The following FNIP2 variants were observed in gnomAD, a reference collection of about 807,000 sequenced individuals.
FNIP2 encodes folliculin interacting protein 2.
Under a neutral mutation model 108.7 loss-of-function variants are expected in FNIP2, and 32 were observed. That is an observed-to-expected ratio of 0.29 (90% CI 0.22 to 0.40). FNIP2 has a LOEUF of 0.40. FNIP2 is among the 10% of genes least tolerant of loss of function. The pLI, the probability that FNIP2 is intolerant of heterozygous loss-of-function variation, is 1.00. For missense variants in FNIP2, 1,202 were observed against 1,381.6 expected (o/e 0.87, Z 2.06); for synonymous variants, 480 against 496.7 (o/e 0.97, Z 0.45).
chr4:158,777,233 A>G (rs1333067165), intron 1 of FNIP2, among the ~76,000 whole-genome samples: 63 of 152,364 alleles, frequency 4.1e-4, no homozygotes, highest in Non-Finnish European at 5.9e-5. Flanking sequence ...GAATTCTTGT[A>G]TGGCTTGGTA....
chr4:158,872,773 C>CTAA (rs1204166744), intron 14 of FNIP2: 2 of 950,142 alleles, frequency 2.1e-6, no homozygotes, highest in Non-Finnish European at 2.5e-6. Flanking sequence ...TTACTTTCAA[C>CTAA]ATCCATTTAC....
chr4:158,845,801 A>G lies in FNIP2; in HGVS notation c.728-5520A>G, dbSNP rs570752590. Among the ~76,000 whole-genome samples, 7 of 152,366 alleles carry G rather than the reference A, an allele frequency of 4.6e-5. No individual in the cohort carries two copies. In the South Asian group the frequency reaches 8.3e-4, roughly 18 times the overall value. On this transcript the variant is annotated intron_variant, in intron 7 of 16. Coordinates refer to ENST00000264433, the MANE Select transcript of FNIP2 (RefSeq NM_020840.3). ...TGTTATCTAGAGTATATGATTAACA[A>G]TGATGTGCCACAGCACTTTTACATA...
In FNIP2 at chr4:158,769,246, A is replaced by C; in HGVS notation, c.34A>C (p.Lys12Gln). 2 of 1,534,514 alleles carry C rather than the reference A, an allele frequency of 1.3e-6. No individual in the cohort carries two copies. Among genetic ancestry groups the C allele is most frequent in the Non-Finnish European group, 1.7e-6 (2 of 1,144,948 alleles). ...APTLLQKLFN[K>Q]RGSSGSSAAA... is the part of the protein sequence containing the mutation. Reference sequence around the variant, plus strand: ...GACCCTGCTCCAGAAGCTCTTCAACAAAAGGGGCAGCAGCGGCAGCTCCGC... The same window carrying C: ...GACCCTGCTCCAGAAGCTCTTCAACCAAAGGGGCAGCAGCGGCAGCTCCGC... The change falls in exon 1 of 17, where the codon AAA (lysine) becomes CAA (glutamine). Residue 12 changes from lysine (K) to glutamine (Q), a missense_variant. Physicochemically the swap from Lys to Gln is moderately conservative, Grantham distance 53. Transcript: ENST00000264433.
At chr4:158,816,958 T>C (rs956643189) in intron 1 of FNIP2, among the ~76,000 whole-genome samples, 2 of 152,074 alleles carry the variant, frequency 1.3e-5, no homozygotes, top group South Asian at 2.1e-4. Flanking sequence ...GGGAACCATT[T>C]TGGGGAAAAA....
chr4:158,780,155 C>T (rs1210387744), intron 1 of FNIP2, among the ~76,000 whole-genome samples: 1 of 151,740 alleles, frequency 6.6e-6, no homozygotes, highest in Non-Finnish European at 1.5e-5. Context: ...CTTTAGTGAG[C>T]CATGATCGCA....
intron 9 of FNIP2, 88 bp from the exon 10 acceptor site, chr4:158,859,490 A>G: frequency 3.4e-6 from 4 of 1,188,638 alleles, no homozygotes; most frequent in Non-Finnish European, 4.8e-6. Flanking sequence ...TTGTTAATTG[A>G]TTACATAATT....
chr4:158,872,701 T>TCAAAAA (rs1359998804), intron 14 of FNIP2: 31 of 985,122 alleles, frequency 3.1e-5, no homozygotes, highest in Non-Finnish European at 3.6e-5. Context: ...GAAGTAGTGT[T>TCAAAAA]CTGTTTAAAC....
intron 16 of FNIP2, among the ~76,000 whole-genome samples, chr4:158,902,229 T>A (rs1433537335): frequency 1.3e-5 from 2 of 152,156 alleles, no homozygotes; most frequent in East Asian, 3.9e-4. Flanking sequence ...TTAATTTTCC[T>A]TCTAACAGGC....
At chr4:158,880,207 T>G (rs1317360726) in intron 14 of FNIP2, among the ~76,000 whole-genome samples, 5,132 of 145,260 alleles carry the variant, frequency 0.035, 149 homozygotes, top group African/African-American at 0.061. Flanking sequence ...TGCCCATCAA[T>G]AATAGACTGG....
chr4:158,782,570 T>G (rs1776089572), intron 1 of FNIP2, among the ~76,000 whole-genome samples: 1 of 151,658 alleles, frequency 6.6e-6, no homozygotes, highest in Admixed American at 6.6e-5. Context: ...CTCTTGCCTC[T>G]TTTGATTCAT....
Position 158,859,148 on chromosome 4 carries a change from T to A in FNIP2, c.949T>A (p.Phe317Ile), listed in dbSNP as rs1028761895. The change falls in exon 9 of 17, where the codon TTT (phenylalanine) becomes ATT (isoleucine). Residue 317 changes from phenylalanine to isoleucine, a missense_variant. Physicochemically the swap from Phe to Ile is conservative, Grantham distance 21. Transcript: ENST00000264433. ...RRKKIAISII[F>I]SLCEKEEAQR... ...GAAGAAAATTGCCATAAGCATCATC[T>A]TTTCCCTATGTGAGAAAGAAGAAGC... 1.2e-6 allele frequency: 2 copies of A among 1,614,010 alleles called. No individual in the cohort carries two copies. The highest frequency in any genetic ancestry group is 1.7e-6 in the Non-Finnish European group (2 of 1,179,866).
chr4:158,826,194 A>C (rs1327444769), intron 2 of FNIP2, among the ~76,000 whole-genome samples, 152 bp downstream of exon 2: 1 of 152,212 alleles, frequency 6.6e-6, no homozygotes, highest in Non-Finnish European at 1.5e-5. Flanking sequence ...TGAATCCTTT[A>C]ATCAAAGCCC....
At chr4:158,783,550 T>TG (rs1215759533) in intron 1 of FNIP2, among the ~76,000 whole-genome samples, 1 of 152,244 alleles carries the variant, frequency 6.6e-6, no homozygotes, top group Non-Finnish European at 1.5e-5. Flanking sequence ...TAGAAATATT[T>TG]GGCATGTGGA....
chr4:158,883,431 C>G lies in FNIP2; in HGVS notation c.2950-8015C>G, dbSNP rs188951614. ...TAATTTTTTGTATTTTTAGTAGAGACGGGGTTTCACCGTGTTAGCCAGGAT... is the reference window on the plus strand; with the variant it reads ...TAATTTTTTGTATTTTTAGTAGAGAGGGGGTTTCACCGTGTTAGCCAGGAT... On this transcript the variant is annotated intron_variant, in intron 14 of 16. Coordinates refer to ENST00000264433, the MANE Select transcript of FNIP2 (RefSeq NM_020840.3). 5.9e-5 allele frequency among the ~76,000 whole-genome samples: 9 copies of G among 152,116 alleles called. 1 individual carries two copies. In the South Asian group the frequency reaches 1.9e-3, roughly 32 times the overall value.
chr4:158,873,259 GT>G (rs1781064260), intron 14 of FNIP2, among the ~76,000 whole-genome samples: 1 of 151,920 alleles, frequency 6.6e-6, no homozygotes. Flanking sequence ...ATTTTTAACT[GT>G]TTAAAAGCAA....
At chr4:158,887,438 TAA>T (rs895865100) in intron 14 of FNIP2, among the ~76,000 whole-genome samples, 2 of 152,076 alleles carry the variant, frequency 1.3e-5, no homozygotes, top group African/African-American at 4.8e-5. Flanking sequence ...TATAGATGCC[TAA>T]AAAATAGTCT....
chr4:158,870,517 C>T, intron 14 of FNIP2, 48 bp downstream of exon 14: 1 of 1,560,298 alleles, frequency 6.4e-7, no homozygotes, highest in Non-Finnish European at 8.7e-7. Flanking sequence ...GTGTGTCAGT[C>T]AAGGTCTTGG....
intron 1 of FNIP2, among the ~76,000 whole-genome samples, chr4:158,821,735 G>A (rs1777892034): frequency 6.6e-6 from 1 of 152,184 alleles, no homozygotes; most frequent in Admixed American, 6.5e-5. Flanking sequence ...TCCCAAGCCT[G>A]TCTCATTCTG....
At position 158,906,684 on chromosome 4, in the gene FNIP2, A is replaced by C. The variant is rs1300369837; in HGVS notation, c.*2140A>C. ...ACACTCAGGATTCCAGTCAGAACCT[A>C]ATCCTCATATCTATTGCCTACAAAA... On this transcript the variant is annotated 3_prime_UTR_variant, in exon 17 of 17. Coordinates refer to ENST00000264433, the MANE Select transcript of FNIP2 (RefSeq NM_020840.3). 8 of 152,184 alleles carry C rather than the reference A, an allele frequency of 5.3e-5. No homozygotes were observed. The highest frequency in any genetic ancestry group is 1.2e-4 in the Non-Finnish European group (8 of 68,028). The allele number at this position is 152,184 out of a possible 1,614,324, so 9.4% of individuals were successfully genotyped here.
Sources: gnomAD v4.1 joint callset for allele counts (sites outside exome capture counted in the v4.1 genomes callset) on GRCh38, gnomAD v4.1.1 for gene constraint, MANE v1.5 for transcripts, NCBI Gene and HGNC (gene_info 2026-07-23, HGNC 2026-07-21) for gene names.